Variants in FBXO38 observed in about 807,000 individuals in gnomAD.
FBXO38 encodes F-box protein 38, also known as F-box only protein 38.
Under a neutral mutation model 131.9 loss-of-function variants are expected in FBXO38, and 53 were observed. That is an observed-to-expected ratio of 0.40 (90% CI 0.32 to 0.51). The LOEUF (loss-of-function observed/expected upper bound fraction) is 0.51, where lower values mean the gene tolerates loss of function less well. Ranked by LOEUF, FBXO38 falls within the 20% of genes least tolerant of loss-of-function variation. FBXO38 has a pLI of 0.53. For synonymous variants in FBXO38, 452 were observed against 505.6 expected (o/e 0.89, Z 1.42); for missense variants, 1,076 against 1,475.6 (o/e 0.73, Z 4.44).
At chr5:148,412,676 G>A (rs775960751) in intron 9 of FBXO38, among the ~76,000 whole-genome samples, 1 of 152,042 alleles carries the variant, frequency 6.6e-6, no homozygotes, top group African/African-American at 2.4e-5. Context: ...ATTGAGGCCT[G>A]TCTGCTACTA....
rs149614435 is a variant in FBXO38 at position 148,408,439 on chromosome 5, A to G, written c.869-685A>G. ...CATTTTTAAGATTGTTCATAGAAGC[A>G]CTGTTTCTAATCATCCCAAAATGGA... On this transcript the variant is annotated intron_variant, in intron 7 of 21. Transcript: ENST00000340253. 3.3e-4 allele frequency among the ~76,000 whole-genome samples: 50 copies of G among 152,358 alleles called. No individual in the cohort carries two copies. In the East Asian group the frequency reaches 9.1e-3, roughly 28 times the overall value.
rs1224512398 is a variant in FBXO38 at position 148,417,150 on chromosome 5, G to T, written c.1564G>T (p.Glu522Ter). ...CCATCATCCAGATGACTCAGACGAG[G>T]AGAATGACTTTCGGCAAGATCTGCA... ...NHHHPDDSDE[E>*]NDFRQDLQPG... The change falls in exon 12 of 22, where the codon GAG (glutamate) becomes TAG (stop). Residue 522 changes from glutamate (E) to a stop codon, truncating the protein, a stop_gained. Coordinates refer to ENST00000340253, the MANE Select transcript of FBXO38 (RefSeq NM_205836.3). LOFTEE classifies it high-confidence loss of function. The T allele has an allele frequency of 6.2e-7, 1 of 1,613,930 alleles. No individual in the cohort carries two copies. The highest frequency in any genetic ancestry group is 1.1e-5 in the South Asian group (1 of 91,072).
At chr5:148,430,967 A>C (rs1398382931) in intron 15 of FBXO38, among the ~76,000 whole-genome samples, 1 of 152,184 alleles carries the variant, frequency 6.6e-6, no homozygotes, top group Non-Finnish European at 1.5e-5. Context: ...ACACCCCAAG[A>C]CTGGATTGAT....
rs761704413 is a variant in FBXO38, at chr5:148,399,076, G to A, written c.206G>A (p.Arg69Gln). 6 of 1,613,386 alleles carry A rather than the reference G, an allele frequency of 3.7e-6. No homozygotes were observed. The highest frequency in any genetic ancestry group is 2.2e-5 in the East Asian group (1 of 44,870). The change falls in exon 3 of 22, where the codon CGA becomes CAA. Residue 69 changes from arginine to glutamine, a missense_variant. By Grantham distance (43) the Arg-to-Gln change is conservative. This residue lies in a region of FBXO38 where 96 missense variants were observed against 193.9 expected (regional missense o/e 0.50). Transcript: ENST00000340253. ...AAGGAAGCAGTGACCCTATATCTGC[G>A]AGTTGTGAGAGTTGTAGATCTCTGT... is the stretch of plus-strand genomic sequence containing the variant. ...KLKEAVTLYL[R>Q]VVRVVDLCAG...
At position 148,440,490 on chromosome 5, in the gene FBXO38, C is replaced by A; in HGVS notation, c.3237C>A (p.Pro1079=). 1 of 1,611,528 alleles carries A rather than the reference C, an allele frequency of 6.2e-7. No individual in the cohort carries two copies. The highest frequency in any genetic ancestry group is 1.1e-5 in the South Asian group (1 of 90,996). ...TRSEEDLKKY[P]KYPWGREIYT... is the part of the protein sequence containing the mutation. ...GTGAAGAAGACTTAAAGAAATACCC[C>A]AAGTACCCCTGGGGGAGAGAAATCT... Residue 1079 remains proline, a synonymous_variant, in exon 20 of 22, where the codon CCC becomes CCA. Transcript: ENST00000340253.
intron 2 of FBXO38, among the ~76,000 whole-genome samples, chr5:148,398,022 C>T (rs932091655): frequency 2.0e-5 from 3 of 152,194 alleles, no homozygotes; most frequent in South Asian, 2.1e-4. Context: ...GCATTGCCAC[C>T]TGGAGCCCTC....
At chr5:148,405,531 G>C (rs1056151874) in intron 6 of FBXO38, among the ~76,000 whole-genome samples, 3 of 152,080 alleles carry the variant, frequency 2.0e-5, no homozygotes, top group Non-Finnish European at 4.4e-5. Context: ...GACCCCTCTT[G>C]ATAACCTTAT....
At chr5:148,421,160 G>A (rs925231325) in intron 12 of FBXO38, among the ~76,000 whole-genome samples, 5 of 152,024 alleles carry the variant, frequency 3.3e-5, no homozygotes, top group African/African-American at 9.7e-5. Flanking sequence ...CAGAGATGGG[G>A]TTTCACTGTG....
chr5:148,409,269 T>C (rs1752617378), intron 8 of FBXO38, 52 bp downstream of exon 8: 1 of 1,239,028 alleles, frequency 8.1e-7, no homozygotes, highest in East Asian at 2.3e-5. Flanking sequence ...ATTATGTTTT[T>C]CCCTATTTTA....
intron 1 of FBXO38, among the ~76,000 whole-genome samples, chr5:148,388,598 C>T (rs1316073507): frequency 6.6e-6 from 1 of 152,242 alleles, no homozygotes; most frequent in African/African-American, 2.4e-5. Context: ...GAGACAACGT[C>T]TTTCCATAAA....
At chr5:148,427,072 G>C in intron 14 of FBXO38, 141 bp from the exon 15 acceptor site, 9 of 966,118 alleles carry the variant, frequency 9.3e-6, no homozygotes, top group Non-Finnish European at 1.4e-5. Flanking sequence ...GCAGCTCAGT[G>C]ATGTGATCAC....
intron 12 of FBXO38, among the ~76,000 whole-genome samples, chr5:148,417,773 G>T (rs1189792496): frequency 6.6e-6 from 1 of 152,110 alleles, no homozygotes; most frequent in African/African-American, 2.4e-5. Flanking sequence ...CATGTGTGAA[G>T]GTGCTCCATC....
In FBXO38 at chr5:148,404,794, A is replaced by G. The variant is rs144011381; in HGVS notation, c.702A>G (p.Leu234=). 3.5e-5 allele frequency: 57 copies of G among 1,607,938 alleles called. No homozygotes were observed. The African/African-American group carries it at 6.8e-4, about 19-fold the overall frequency. Residue 234 remains leucine, a synonymous_variant, in exon 6 of 22, where the codon TTA becomes TTG. Transcript: ENST00000340253. ...QPFKDFLCIS[L]RTFVMRNCAG... is the part of the protein sequence containing the mutation. ...TTAAAGACTTCCTTTGTATCAGCTT[A>G]AGAACTTTCGTCATGAGGAACTGTG... is the stretch of plus-strand genomic sequence containing the variant.
At position 148,425,716 on chromosome 5, in the gene FBXO38, T is replaced by G. The variant is rs1487112523; in HGVS notation, c.1918+15T>G. 2.5e-6 allele frequency: 4 copies of G among 1,608,170 alleles called. No homozygotes were observed. Among genetic ancestry groups the G allele is most frequent in the Non-Finnish European group, 3.4e-6 (4 of 1,176,202 alleles). On this transcript the variant is annotated intron_variant, in intron 14 of 21. Transcript: ENST00000340253. ...AGAATTGTCAGGTGAGAAATTGTCT[T>G]TCTCTGAACTATTAATGAGAGTCAC...
rs897495214 is a variant in FBXO38, at chr5:148,442,297, T to A, written c.*150T>A. The A allele has an allele frequency of 3.9e-6, 2 of 511,304 alleles. No homozygotes were observed. The highest frequency in any genetic ancestry group is 9.6e-4 in the Middle Eastern group (2 of 2,084). The allele number at this position is 511,304 out of a possible 1,614,324, so 31.7% of individuals were successfully genotyped here. On this transcript the variant is annotated 3_prime_UTR_variant, in exon 22 of 22. Transcript: ENST00000340253. ...ATATATAAGGAACATCGAAATTGTA[T>A]ACAAAGATTTGTACATAAAAAATAT...
At chr5:148,414,441 C>G (rs1752938625) in intron 10 of FBXO38, 135 bp downstream of exon 10, 2 of 846,794 alleles carry the variant, frequency 2.4e-6, no homozygotes, top group Non-Finnish European at 3.5e-6. Flanking sequence ...CATACAAGTT[C>G]TGGTAACCTT....
chr5:148,401,993 G>C lies in FBXO38; in HGVS notation c.274G>C (p.Ala92Pro). 1 of 1,608,778 alleles carries C rather than the reference G, an allele frequency of 6.2e-7. No individual in the cohort carries two copies. Among genetic ancestry groups the C allele is most frequent in the Non-Finnish European group, 8.5e-7 (1 of 1,175,938 alleles). The change falls in exon 4 of 22, where the codon GCC (alanine) becomes CCC (proline). Residue 92 changes from alanine (A) to proline (P), a missense_variant. Around this residue, in one of 8 missense-constraint regions of FBXO38, gnomAD observed 96 missense variants for 193.9 expected, o/e 0.50. Transcript: ENST00000340253. ...WEYMPSGFTD[A>P]SFLTLLKKMP... is the part of the protein sequence containing the mutation. ...TCTGAACTTCTCAGGCTTTACAGAT[G>C]CCAGTTTTCTAACACTATTAAAGAA...
At chr5:148,418,614 G>T (rs987200555) in intron 12 of FBXO38, among the ~76,000 whole-genome samples, 3 of 152,138 alleles carry the variant, frequency 2.0e-5, no homozygotes, top group Admixed American at 2.0e-4. Flanking sequence ...TTGCTTTGTT[G>T]TCCTGAGTGC....
chr5:148,420,199 T>C (rs1185676870), intron 12 of FBXO38, among the ~76,000 whole-genome samples: 3 of 151,494 alleles, frequency 2.0e-5, no homozygotes, highest in Non-Finnish European at 4.4e-5. Context: ...CATAGCTCAC[T>C]GTAGCCTCAA....
Sources: gnomAD v4.1 joint callset for allele counts (sites outside exome capture counted in the v4.1 genomes callset) on GRCh38, gnomAD v4.1.1 for gene constraint, gnomAD v4.1.1 regional missense constraint, MANE v1.5 for transcripts, NCBI Gene and HGNC (gene_info 2026-07-23, HGNC 2026-07-21) for gene names.